The following ALK variants were observed in gnomAD, a reference collection of about 807,000 sequenced individuals.
The protein encoded by ALK is ALK receptor tyrosine kinase, also known as ALK tyrosine kinase receptor.
Under a neutral mutation model 163.1 loss-of-function variants are expected in ALK, and 74 were observed. That is an observed-to-expected ratio of 0.45 (90% confidence interval 0.38 to 0.55). ALK has a LOEUF of 0.55. Among genes scored for constraint, ALK ranks in the 20% least tolerant of loss-of-function variants. The pLI is 0.00. For missense variants in ALK, 2,063 were observed against 2,105.3 expected, an observed-to-expected ratio of 0.98 and a Z score of 0.39; for synonymous variants, 960 against 843.2, an observed-to-expected ratio of 1.14 and a Z score of -2.40.
chr2:29,755,622 G>A (rs1680499449), intron 1 of ALK, among the ~76,000 whole-genome samples: 2 of 152,204 alleles, frequency 1.3e-5, no homozygotes, highest in African/African-American at 4.8e-5. Context: ...TCCCCTGCAT[G>A]TGCCAGGCAA....
At chr2:29,225,340 C>T (rs2148175978) in intron 19 of ALK, 121 bp downstream of exon 19, 1 of 946,380 alleles carries the variant, frequency 1.1e-6, no homozygotes, top group East Asian at 2.6e-5. Flanking sequence ...AATCACCACC[C>T]CACCCAATTC....
chr2:29,393,443 AG>A (rs1669228781), intron 4 of ALK, among the ~76,000 whole-genome samples: 1 of 152,156 alleles, frequency 6.6e-6, no homozygotes, highest in African/African-American at 2.4e-5. Context: ...TTCATTCCAT[AG>A]GGGTCCTGCT....
At chr2:29,812,654 G>A (rs907172745) in intron 1 of ALK, among the ~76,000 whole-genome samples, 5 of 152,260 alleles carry the variant, frequency 3.3e-5, no homozygotes, top group Non-Finnish European at 7.3e-5. Flanking sequence ...GGTGGTGCCT[G>A]GCTCCAGTGA....
At chr2:29,212,886 G>A (rs1274850743) in intron 24 of ALK, among the ~76,000 whole-genome samples, 3 of 152,048 alleles carry the variant, frequency 2.0e-5, no homozygotes, top group African/African-American at 7.2e-5. Context: ...TGTATTTTTA[G>A]TAGACATGGG....
At chr2:29,215,808 C>A (rs946149495) in intron 23 of ALK, among the ~76,000 whole-genome samples, 6 of 152,230 alleles carry the variant, frequency 3.9e-5, no homozygotes, top group African/African-American at 1.4e-4. Context: ...CCGGGCTCCA[C>A]CCTGCTGGCC....
At chr2:29,633,995 A>G (rs921783731) in intron 3 of ALK, among the ~76,000 whole-genome samples, 2 of 152,228 alleles carry the variant, frequency 1.3e-5, no homozygotes, top group Non-Finnish European at 2.9e-5. Flanking sequence ...ATAAAGAATT[A>G]ATACCAATTA....
At chr2:29,919,890 T>C in intron 1 of ALK, 103 bp downstream of exon 1, 1 of 1,404,592 alleles carries the variant, frequency 7.1e-7, no homozygotes, top group Non-Finnish European at 9.8e-7. Context: ...GAAGCAGAGC[T>C]GAGGTTTTAG....
At chr2:29,452,250 G>A (rs915797515) in intron 4 of ALK, among the ~76,000 whole-genome samples, 48 of 152,174 alleles carry the variant, frequency 3.2e-4, no homozygotes, top group African/African-American at 1.1e-3. Flanking sequence ...CAACAGGCCT[G>A]GCTTGTTCTG....
rs1219744566 is a variant in ALK at position 29,224,777 on chromosome 2, C to T, written c.3172+684G>A. ...TATCCTGTCCCTTTGAGGGATGGCA[C>T]CATATGGGGACACAGTGTGTGCTGC... On this transcript the variant is annotated intron_variant, in intron 19 of 28. Coordinates refer to ENST00000389048, the MANE Select transcript of ALK (RefSeq NM_004304.5). The T allele has an allele frequency of 1.4e-5, 3 of 216,892 alleles. No homozygotes were observed. In the Admixed American group the frequency reaches 1.7e-4, roughly 13 times the overall value. 13.4% of individuals were successfully genotyped at this position (216,892 alleles called of 1,614,324 possible). A position where few individuals can be genotyped will look rare whatever the true frequency, so the allele number is the denominator to read the frequency against.
chr2:29,251,000 A>C, intron 12 of ALK, 105 bp downstream of exon 12: 3 of 1,238,886 alleles, frequency 2.4e-6, no homozygotes, highest in South Asian at 3.0e-5. Context: ...TTGCCTTTGA[A>C]CCTTGACATG....
intron 4 of ALK, among the ~76,000 whole-genome samples, chr2:29,418,868 G>T (rs1244187311): frequency 6.8e-6 from 1 of 147,100 alleles, no homozygotes; most frequent in East Asian, 1.9e-4. Flanking sequence ...ACATTAATTT[G>T]TTGATCACTC....
At chr2:29,912,302 T>A (rs1039892253) in intron 1 of ALK, among the ~76,000 whole-genome samples, 7 of 152,088 alleles carry the variant, frequency 4.6e-5, no homozygotes, top group African/African-American at 1.4e-4. Flanking sequence ...AGATACATCA[T>A]AATCAAATTC....
At chr2:29,588,451 G>A (rs764934211) in intron 3 of ALK, among the ~76,000 whole-genome samples, 3 of 151,994 alleles carry the variant, frequency 2.0e-5, no homozygotes, top group Non-Finnish European at 2.9e-5. Context: ...GGCTGGTTTC[G>A]AACTCCTGAC....
chr2:29,280,456 C>T (rs981090736), intron 9 of ALK, among the ~76,000 whole-genome samples: 27 of 144,078 alleles, frequency 1.9e-4, no homozygotes, highest in African/African-American at 4.7e-4. Flanking sequence ...ACTCTGGGAC[C>T]GGGGGTTAGT....
At chr2:29,703,602 A>G (rs1056499662) in intron 2 of ALK, among the ~76,000 whole-genome samples, 5 of 152,230 alleles carry the variant, frequency 3.3e-5, no homozygotes, top group Non-Finnish European at 5.9e-5. Flanking sequence ...CCGAATTTGC[A>G]TAACCATGCC....
intron 15 of ALK, among the ~76,000 whole-genome samples, chr2:29,230,364 G>C (rs1163793653): frequency 6.6e-6 from 1 of 151,846 alleles, no homozygotes; most frequent in African/African-American, 2.4e-5. Context: ...GGATAGGAAA[G>C]GGTGGAGGTA....
At chr2:29,305,135 C>G (rs976722565) in intron 8 of ALK, among the ~76,000 whole-genome samples, 8 of 152,190 alleles carry the variant, frequency 5.3e-5, no homozygotes, top group African/African-American at 1.9e-4. Context: ...TCATCTTGGA[C>G]TTTGAGTAAG....
chr2:29,593,936 G>A (rs936311645), intron 3 of ALK, among the ~76,000 whole-genome samples: 5 of 152,252 alleles, frequency 3.3e-5, no homozygotes, highest in South Asian at 2.1e-4. Context: ...TAAAATATGC[G>A]AACTTACAAT....
intron 1 of ALK, among the ~76,000 whole-genome samples, chr2:29,791,860 T>C (rs897923247): frequency 6.6e-6 from 1 of 152,192 alleles, no homozygotes; most frequent in South Asian, 2.1e-4. Flanking sequence ...TTGAGGGAAT[T>C]TGAAACATTG....
Sources: allele counts gnomAD v4.1 joint callset (sites outside exome capture counted in the v4.1 genomes callset), GRCh38; gene constraint gnomAD v4.1.1; transcripts MANE v1.5; gene names NCBI Gene and HGNC (gene_info 2026-07-23, HGNC 2026-07-21).